CCT6B: variants seen among roughly 807,000 people sequenced by gnomAD.
CCT6B encodes probable T-complex protein 1 subunit zeta-2.
In CCT6B, 49 loss-of-function variants were observed where a neutral mutation model predicts 61.5. The observed-to-expected ratio is 0.80, with a 90% CI of 0.63 to 1.01. The LOEUF is 1.01. Among genes scored for constraint, CCT6B ranks in the 50% least tolerant of loss-of-function variants. CCT6B has a pLI of 0.00. For synonymous variants in CCT6B, 228 were observed against 214.5 expected (o/e 1.06, Z -0.55); for missense variants, 666 against 634.7 (o/e 1.05, Z -0.53).
At chr17:34,931,084 T>C (rs1163166104) in intron 11 of CCT6B, 33 bp from the exon 12 acceptor site, 1 of 712,608 alleles carries the variant, frequency 1.4e-6, no homozygotes, top group Non-Finnish European at 2.0e-6. Context: ...ATATATTATA[T>C]ATATATGCAT....
chr17:34,959,507 T>C, intron 2 of CCT6B, 80 bp downstream of exon 2: 1 of 1,022,034 alleles, frequency 9.8e-7, no homozygotes. Context: ...CTCACAGCCT[T>C]GGCTTAAAGA....
At chr17:34,961,138 A>C in intron 1 of CCT6B, 119 bp downstream of exon 1, 1 of 1,277,932 alleles carries the variant, frequency 7.8e-7, no homozygotes, top group Non-Finnish European at 1.1e-6. Flanking sequence ...CAGGGATGAG[A>C]ATGAGGGAAA....
intron 7 of CCT6B, among the ~76,000 whole-genome samples, 187 bp downstream of exon 7, chr17:34,942,297 A>T (rs2090172686): frequency 6.6e-6 from 1 of 152,022 alleles, no homozygotes; most frequent in East Asian, 1.9e-4. Context: ...AGTTTTACAG[A>T]TTGCTTTTGC....
In CCT6B at chr17:34,940,885, A is replaced by G. The variant is rs2090156613; in HGVS notation, c.886-264T>C. Among the ~76,000 whole-genome samples the G allele has an allele frequency of 3.3e-5, 5 of 152,114 alleles. No homozygotes were observed. The South Asian group carries it at 1.0e-3, about 31-fold the overall frequency. On this transcript the variant is annotated intron_variant, in intron 7 of 13. Coordinates refer to ENST00000314144, the MANE Select transcript of CCT6B (RefSeq NM_006584.4). The stretch of plus-strand genomic sequence containing the variant: ...ATTTACTACACTTTTGAAAACAAAA[A>G]TATATATAGTGAGCTAGCAGTGGCA...
chr17:34,941,174 T>C (rs948418774), intron 7 of CCT6B, among the ~76,000 whole-genome samples: 4 of 152,202 alleles, frequency 2.6e-5, no homozygotes, highest in East Asian at 1.9e-4. Flanking sequence ...TATGGAACCA[T>C]AGCAATGAAC....
At chr17:34,929,083 A>G (rs760394386) in intron 12 of CCT6B, 49 bp from the exon 13 acceptor site, 1 of 1,114,286 alleles carries the variant, frequency 9.0e-7, no homozygotes, top group African/African-American at 1.6e-5. Flanking sequence ...ATTTGCTATT[A>G]ATATTAATTG....
At chr17:34,947,000 T>G (rs1397563274) in intron 5 of CCT6B, among the ~76,000 whole-genome samples, 3 of 152,214 alleles carry the variant, frequency 2.0e-5, no homozygotes, top group Admixed American at 6.5e-5. Context: ...ATTGCTATGA[T>G]AGTTGCATTT....
At chr17:34,940,484 T>C (rs2090151000) in intron 8 of CCT6B, 55 bp downstream of exon 8, 1 of 895,130 alleles carries the variant, frequency 1.1e-6, no homozygotes, top group Non-Finnish European at 1.8e-6. Flanking sequence ...ACACATGGGA[T>C]AGTTTCCATT....
intron 13 of CCT6B, among the ~76,000 whole-genome samples, 166 bp downstream of exon 13, chr17:34,928,789 GGGACTAT>G (rs1210241704): frequency 1.3e-5 from 2 of 152,106 alleles, no homozygotes; most frequent in African/African-American, 4.8e-5. Context: ...AAATATAAAA[GGGACTAT>G]GGACTATAAA....
At chr17:34,951,366 A>G (rs1286811205) in intron 5 of CCT6B, among the ~76,000 whole-genome samples, 1 of 152,232 alleles carries the variant, frequency 6.6e-6, no homozygotes, top group Non-Finnish European at 1.5e-5. Context: ...GGAGGGGGAA[A>G]GAGGGAAGGG....
At chr17:34,953,341 A>ATATTTT (rs1555550678) in intron 4 of CCT6B, among the ~76,000 whole-genome samples, 31 of 139,828 alleles carry the variant, frequency 2.2e-4, no homozygotes, top group Non-Finnish European at 3.4e-4. Context: ...ATATATATAT[A>ATATTTT]TTTTTTTGAG....
At chr17:34,932,571 C>A (rs2090048787) in intron 10 of CCT6B, 71 bp from the exon 11 acceptor site, 1 of 1,374,886 alleles carries the variant, frequency 7.3e-7, no homozygotes, top group Non-Finnish European at 9.9e-7. Flanking sequence ...GACAGAAAAG[C>A]AATTCACTAT....
intron 3 of CCT6B, among the ~76,000 whole-genome samples, chr17:34,956,686 TA>T (rs2090350926): frequency 6.6e-6 from 1 of 152,164 alleles, no homozygotes; most frequent in South Asian, 2.1e-4. Flanking sequence ...GACATAATAC[TA>T]AAGTTGGCCC....
At chr17:34,955,878 A>G (rs1356870155) in intron 3 of CCT6B, among the ~76,000 whole-genome samples, 2 of 152,190 alleles carry the variant, frequency 1.3e-5, no homozygotes, top group Non-Finnish European at 2.9e-5. Flanking sequence ...GCCTTAGATC[A>G]CCAAGATAAT....
chr17:34,961,144 G>A (rs1373261796), intron 1 of CCT6B, 113 bp downstream of exon 1: 9 of 1,333,486 alleles, frequency 6.7e-6, no homozygotes, highest in Non-Finnish European at 9.1e-6. Context: ...TGAGAATGAG[G>A]GAAATCAAGC....
chr17:34,951,838 T>G, intron 5 of CCT6B, 112 bp downstream of exon 5: 1 of 542,242 alleles, frequency 1.8e-6, no homozygotes, highest in Non-Finnish European at 3.2e-6. Flanking sequence ...AGTGACTTAA[T>G]ATATGGTGAA....
At chr17:34,955,373 A>G (rs1204836736) in intron 3 of CCT6B, among the ~76,000 whole-genome samples, 1 of 152,224 alleles carries the variant, frequency 6.6e-6, no homozygotes, top group African/African-American at 2.4e-5. Flanking sequence ...TTTTATAACT[A>G]TACTGCAATT....
At chr17:34,931,931 T>G (rs993075201) in intron 11 of CCT6B, among the ~76,000 whole-genome samples, 1 of 152,174 alleles carries the variant, frequency 6.6e-6, no homozygotes, top group Non-Finnish European at 1.5e-5. Flanking sequence ...TGATGACAAA[T>G]GTAAGGTTGT....
At chr17:34,954,392 T>TTC in intron 4 of CCT6B, 34 bp downstream of exon 4, 1 of 1,532,894 alleles carries the variant, frequency 6.5e-7, no homozygotes, top group Non-Finnish European at 8.9e-7. Context: ...CATTAGGCTA[T>TTC]ATTTGTTCTG....
Sources: allele counts gnomAD v4.1 joint callset (sites outside exome capture counted in the v4.1 genomes callset), GRCh38; gene constraint gnomAD v4.1.1; transcripts MANE v1.5; gene names NCBI Gene and HGNC (gene_info 2026-07-23, HGNC 2026-07-21).